The following CLDN10 variants were observed in gnomAD, a reference collection of about 807,000 sequenced individuals.
CLDN10 encodes claudin 10, also known as claudin-10.
A neutral mutation model predicts 22.9 loss-of-function variants in CLDN10; 15 were observed. The observed-to-expected ratio is 0.65, with a 90% CI of 0.44 to 1.01. The LOEUF (loss-of-function observed/expected upper bound fraction) is 1.01, where lower values mean the gene tolerates loss of function less well. Among genes scored for constraint, CLDN10 ranks in the 50% least tolerant of loss-of-function variants. The pLI is 0.00. For synonymous variants in CLDN10, 114 were observed against 111.4 expected (o/e 1.02, Z -0.15); for missense variants, 247 against 287.8 (o/e 0.86, Z 1.03).
chr13:95,441,931 G>T (rs1262715481), intron 1 of CLDN10, among the ~76,000 whole-genome samples: 3 of 152,164 alleles, frequency 2.0e-5, no homozygotes, highest in African/African-American at 7.2e-5. Context: ...CAGGTGGATC[G>T]CTTGAGCGCA....
chr13:95,494,634 G>T (rs2042909038), intron 1 of CLDN10, among the ~76,000 whole-genome samples: 1 of 152,148 alleles, frequency 6.6e-6, no homozygotes, highest in African/African-American at 2.4e-5. Flanking sequence ...TTGTACAATT[G>T]ATTGCTGTGT....
intron 1 of CLDN10, among the ~76,000 whole-genome samples, chr13:95,481,580 A>G (rs1391457622): frequency 6.6e-6 from 1 of 152,228 alleles, no homozygotes; most frequent in Non-Finnish European, 1.5e-5. Context: ...GCTGTTGGGC[A>G]TGAGAACAGC....
chr13:95,473,673 G>A (rs1323310269), intron 1 of CLDN10, among the ~76,000 whole-genome samples: 1 of 152,240 alleles, frequency 6.6e-6, no homozygotes, highest in Non-Finnish European at 1.5e-5. Flanking sequence ...TGAGGACCGG[G>A]TGCCGTCCCC....
At chr13:95,572,245 T>C (rs2043872832) in intron 3 of CLDN10, among the ~76,000 whole-genome samples, 1 of 152,166 alleles carries the variant, frequency 6.6e-6, no homozygotes, top group Non-Finnish European at 1.5e-5. Flanking sequence ...ACTCCGATCT[T>C]TCTGAAATGA....
intron 1 of CLDN10, among the ~76,000 whole-genome samples, chr13:95,511,333 G>A (rs1333286031): frequency 6.6e-6 from 1 of 151,780 alleles, no homozygotes; most frequent in Non-Finnish European, 1.5e-5. Context: ...GAACAAAAAA[G>A]GAAAGAGAAA....
In CLDN10 at chr13:95,518,240, G is replaced by A. The variant is rs184232632; in HGVS notation, c.215-41892G>A. Among the ~76,000 whole-genome samples, 413 of 152,198 alleles carry A rather than the reference G, an allele frequency of 2.7e-3. 2 individuals carry two copies. The highest frequency in any genetic ancestry group is 9.4e-3 in the African/African-American group (391 of 41,532). On this transcript the variant is annotated intron_variant, in intron 1 of 4. Coordinates refer to the CLDN10 transcript ENST00000376873. ...CATAGTTAGCACTCAGTGTTTAGTC[G>A]TTATTCTTTTTTATTATCATGTCCT...
chr13:95,513,298 G>A (rs1202745112), intron 1 of CLDN10, among the ~76,000 whole-genome samples: 1 of 152,166 alleles, frequency 6.6e-6, no homozygotes, highest in East Asian at 1.9e-4. Context: ...TGTCTGGCAG[G>A]CACTGTGCTG....
At position 95,506,161 on chromosome 13, in the gene CLDN10, T is replaced by C. The variant is rs1472045895; in HGVS notation, c.215-53971T>C. On this transcript the variant is annotated intron_variant, in intron 1 of 4. Coordinates refer to the CLDN10 transcript ENST00000376873. ...AGCTGCTGATGCTAGTGTGTGTGTGTGCCTGTGTGTGTGTGTCACATGGGA... is the reference window on the plus strand; with the variant it reads ...AGCTGCTGATGCTAGTGTGTGTGTGCGCCTGTGTGTGTGTGTCACATGGGA... 7.2e-5 allele frequency among the ~76,000 whole-genome samples: 11 copies of C among 152,268 alleles called. No homozygotes were observed. In the East Asian group the frequency reaches 2.1e-3, roughly 29 times the overall value.
At chr13:95,532,688 C>A (rs569706411) in intron 1 of CLDN10, among the ~76,000 whole-genome samples, 1 of 147,386 alleles carries the variant, frequency 6.8e-6, no homozygotes, top group East Asian at 2.1e-4. Flanking sequence ...CAAGAATGTT[C>A]ATAGCAGCTT....
chr13:95,450,665 C>T (rs1046877869), intron 1 of CLDN10, among the ~76,000 whole-genome samples: 4 of 152,196 alleles, frequency 2.6e-5, no homozygotes, highest in South Asian at 2.1e-4. Flanking sequence ...TCAGACTGCA[C>T]GCCCAGCCAA....
intron 3 of CLDN10, among the ~76,000 whole-genome samples, chr13:95,565,260 AT>A (rs1232102959): frequency 6.6e-6 from 1 of 152,210 alleles, no homozygotes; most frequent in Non-Finnish European, 1.5e-5. Context: ...AACTTTCTGA[AT>A]GTCCAGCTTT....
At chr13:95,473,678 G>A (rs1375057141) in intron 1 of CLDN10, among the ~76,000 whole-genome samples, 1 of 152,204 alleles carries the variant, frequency 6.6e-6, no homozygotes, top group African/African-American at 2.4e-5. Context: ...ACCGGGTGCC[G>A]TCCCCAGAGC....
At chr13:95,478,985 G>A (rs144749755) in intron 1 of CLDN10, among the ~76,000 whole-genome samples, 385 of 152,330 alleles carry the variant, frequency 2.5e-3, no homozygotes, top group Middle Eastern at 6.8e-3. Context: ...CATTTTATTA[G>A]CCAGTGGTTA....
chr13:95,543,522 A>G (rs1304541335), intron 1 of CLDN10, among the ~76,000 whole-genome samples: 2 of 152,198 alleles, frequency 1.3e-5, no homozygotes, highest in African/African-American at 4.8e-5. Context: ...AAAACAAACT[A>G]AAAGAAAAAA....
At chr13:95,517,372 C>T (rs1475142453) in intron 1 of CLDN10, among the ~76,000 whole-genome samples, 1 of 152,074 alleles carries the variant, frequency 6.6e-6, no homozygotes, top group Non-Finnish European at 1.5e-5. Context: ...ACCCCCCGAA[C>T]CTAGGGATCC....
chr13:95,575,303 G>A (rs1179972254), intron 3 of CLDN10, among the ~76,000 whole-genome samples: 1 of 152,160 alleles, frequency 6.6e-6, no homozygotes, highest in Non-Finnish European at 1.5e-5. Flanking sequence ...TCCTTTAGTT[G>A]TCTGCAGTAA....
rs60538725 is a variant in CLDN10, at chr13:95,499,324, C to T, written c.215-60808C>T. 3.1e-3 allele frequency among the ~76,000 whole-genome samples: 465 copies of T among 152,252 alleles called. 1 individual carries two copies. The highest frequency in any genetic ancestry group is 9.7e-3 in the African/African-American group (402 of 41,520). On this transcript the variant is annotated intron_variant, in intron 1 of 4. Transcript: ENST00000376873. The stretch of plus-strand genomic sequence containing the variant: ...TGAAAGGCTGAGGCAGGTGAATCAC[C>T]TGAGGTCAGGAGTTCTAGACCACCC...
intron 1 of CLDN10, among the ~76,000 whole-genome samples, chr13:95,444,665 T>A (rs1349280721): frequency 1.3e-5 from 2 of 152,374 alleles, no homozygotes; most frequent in South Asian, 2.1e-4. Context: ...CATTTTAGGC[T>A]AAGGGACTCA....
In CLDN10 at chr13:95,472,787, G is replaced by GA. The variant is rs539501341; in HGVS notation, c.214+38743dup. ...TTTTTAATTTGAGAGTGTGGGATGA[G>GA]AAACCCGGTTCTATGACCACAGAGT... On this transcript the variant is annotated intron_variant, in intron 1 of 4. Transcript: ENST00000376873. Among the ~76,000 whole-genome samples the GA allele has an allele frequency of 3.9e-5, 6 of 152,010 alleles. No homozygotes were observed. In the South Asian group the frequency reaches 1.2e-3, roughly 32 times the overall value.
Sources: gnomAD v4.1 joint callset for allele counts (sites outside exome capture counted in the v4.1 genomes callset) on GRCh38, gnomAD v4.1.1 for gene constraint, MANE v1.5 for transcripts, NCBI Gene and HGNC (gene_info 2026-07-23, HGNC 2026-07-21) for gene names.